The following PRDM11 variants were observed in gnomAD, a reference collection of about 807,000 sequenced individuals.
PRDM11 encodes PR/SET domain 11, also known as PR domain-containing protein 11.
PRDM11 carries 20 observed loss-of-function variants against 97.8 expected under a neutral mutation model. The ratio of observed to expected loss-of-function variants is 0.20; its 90% CI spans 0.14 to 0.30. The LOEUF (loss-of-function observed/expected upper bound fraction) is 0.30, where lower values mean the gene tolerates loss of function less well. PRDM11 is among the 10% of genes least tolerant of loss of function. The pLI is 1.00. For synonymous variants in PRDM11, 599 were observed against 637.7 expected, an observed-to-expected ratio of 0.94 and a Z score of 0.91; for missense variants, 1,139 against 1,555.2, an observed-to-expected ratio of 0.73 and a Z score of 4.50.
At chr11:45,118,397 C>T (rs1424766775) in intron 1 of PRDM11, among the ~76,000 whole-genome samples, 2 of 152,076 alleles carry the variant, frequency 1.3e-5, no homozygotes, top group African/African-American at 2.4e-5. Flanking sequence ...TACTGTTTTC[C>T]CAATTTTTCT....
At chr11:45,141,177 T>C (rs1214592677) in intron 1 of PRDM11, among the ~76,000 whole-genome samples, 1 of 152,234 alleles carries the variant, frequency 6.6e-6, no homozygotes, top group Non-Finnish European at 1.5e-5. Context: ...AATAACTGCA[T>C]GATCATCTAC....
intron 4 of PRDM11, among the ~76,000 whole-genome samples, chr11:45,198,726 G>A (rs1221637066): frequency 6.6e-6 from 1 of 152,224 alleles, no homozygotes; most frequent in East Asian, 1.9e-4. Context: ...AAAGCTGGAA[G>A]TTCAGAGAGG....
At chr11:45,151,441 G>T (rs1179418415) in intron 1 of PRDM11, among the ~76,000 whole-genome samples, 1 of 152,254 alleles carries the variant, frequency 6.6e-6, no homozygotes, top group African/African-American at 2.4e-5. Flanking sequence ...CCACATTGCT[G>T]GTGGTGTCCC....
Position 45,227,775 on chromosome 11 carries a change from C to A in PRDM11, c.3150C>A (p.Thr1050=), listed in dbSNP as rs1209817126. 6.5e-7 allele frequency: 1 copy of A among 1,533,898 alleles called. No homozygotes were observed. The highest frequency in any genetic ancestry group is 8.7e-7 in the Non-Finnish European group (1 of 1,146,718). ...EWRELKADYY[T]KNGFKDLISH... is the part of the protein sequence containing the mutation. ...GAGAACTCAAGGCTGATTACTACAC[C>A]AAAAATGGCTTCAAAGACCTGATCA... Residue 1050 remains threonine, a synonymous_variant, in exon 8 of 8, where the codon ACC becomes ACA. Transcript: ENST00000683152. The surrounding 1 kb of genome is among the most constrained non-coding windows in gnomAD (Gnocchi z 8.0).
At chr11:45,217,066 T>C (rs1853976166) in intron 5 of PRDM11, among the ~76,000 whole-genome samples, 1 of 152,208 alleles carries the variant, frequency 6.6e-6, no homozygotes, top group African/African-American at 2.4e-5. Flanking sequence ...ATGGTTTCCC[T>C]TTTGTATCTG....
intron 1 of PRDM11, among the ~76,000 whole-genome samples, chr11:45,167,433 C>T (rs1852091471): frequency 1.3e-5 from 2 of 152,168 alleles, no homozygotes; most frequent in Non-Finnish European, 2.9e-5. Context: ...TCAGGATCAT[C>T]AGTAGGGATT....
At chr11:45,184,512 C>T (rs77553034) in intron 4 of PRDM11, among the ~76,000 whole-genome samples, 14,432 of 152,148 alleles carry the variant, frequency 0.095, 1,075 homozygotes, top group Admixed American at 0.24. Context: ...TGGAGCCAAA[C>T]GAACTGCTTT....
intron 6 of PRDM11, among the ~76,000 whole-genome samples, chr11:45,220,639 C>T (rs1353142525): frequency 6.6e-6 from 1 of 152,206 alleles, no homozygotes; most frequent in East Asian, 1.9e-4. Flanking sequence ...CCTGATGTCC[C>T]AGACAAAACC....
At chr11:45,187,643 C>T (rs571121637) in intron 4 of PRDM11, among the ~76,000 whole-genome samples, 59 of 152,130 alleles carry the variant, frequency 3.9e-4, no homozygotes, top group African/African-American at 1.3e-3. Context: ...TTAGCTGCAG[C>T]CAGCAGCCAG....
rs1854367993 is a variant in PRDM11, at chr11:45,229,960, A to T, written c.*1801A>T. 1 of 152,004 alleles carries T rather than the reference A, an allele frequency of 6.6e-6. No homozygotes were observed. Among genetic ancestry groups the T allele is most frequent in the Non-Finnish European group, 1.5e-5 (1 of 68,018 alleles). 9.4% of individuals were successfully genotyped at this position (152,004 alleles called of 1,614,324 possible). On this transcript the variant is annotated 3_prime_UTR_variant, in exon 8 of 8. Transcript: ENST00000683152. Reference sequence around the variant, plus strand: ...TCTGAGGCCTCATGCCACCGTTGAGAACCATAGTGGAAATGTCATCAACAC... The same window carrying T: ...TCTGAGGCCTCATGCCACCGTTGAGTACCATAGTGGAAATGTCATCAACAC...
intron 4 of PRDM11, among the ~76,000 whole-genome samples, chr11:45,193,277 C>T (rs1852980424): frequency 6.6e-6 from 1 of 152,124 alleles, no homozygotes; most frequent in Admixed American, 6.5e-5. Flanking sequence ...TGTGTCTTGG[C>T]CTTTGCTTTG....
At chr11:45,189,144 G>A (rs561332780) in intron 4 of PRDM11, among the ~76,000 whole-genome samples, 4 of 151,924 alleles carry the variant, frequency 2.6e-5, no homozygotes, top group African/African-American at 4.8e-5. Flanking sequence ...CAAGTGATCC[G>A]CCCACCTCAG....
At chr11:45,216,293 A>AGT (rs1007303729) in intron 5 of PRDM11, 4 of 150,574 alleles carry the variant, frequency 2.7e-5, no homozygotes, top group African/African-American at 9.7e-5. Flanking sequence ...CTCAAGAGGT[A>AGT]GTGACCTGGT....
At position 45,103,375 on chromosome 11, in the gene PRDM11, G is replaced by C. The variant is rs1038668781; in HGVS notation, c.96+7474G>C. 2.0e-5 allele frequency among the ~76,000 whole-genome samples: 3 copies of C among 152,314 alleles called. No individual in the cohort carries two copies. In the East Asian group the frequency reaches 5.8e-4, roughly 29 times the overall value. On this transcript the variant is annotated intron_variant, in intron 1 of 6. Transcript: ENST00000530656. The stretch of plus-strand genomic sequence containing the variant: ...TGGAGGAGGAAGAGGAGGAAGATGA[G>C]AGGGAGATGAGGAAAGAGGAAGAGG...
intron 1 of PRDM11, among the ~76,000 whole-genome samples, chr11:45,128,331 G>A (rs979895864): frequency 7.9e-5 from 12 of 151,210 alleles, no homozygotes; most frequent in East Asian, 5.8e-4. Context: ...GCTTCGGCTC[G>A]CACACAGTGC....
Position 45,101,567 on chromosome 11 carries a change from A to AAAAAAAAAGAAGAAG in PRDM11, c.96+5668_96+5669insAAAAAAGAAGAAGAA, listed in dbSNP as rs767802218. Among the ~76,000 whole-genome samples the AAAAAAAAAGAAGAAG allele has an allele frequency of 9.7e-4, 94 of 96,854 alleles. 1 individual carries two copies. Among genetic ancestry groups the AAAAAAAAAGAAGAAG allele is most frequent in the South Asian group, 2.5e-3 (9 of 3,562 alleles). The allele number at this position is 96,854 out of a possible 152,430, so 63.5% of individuals were successfully genotyped here. ...CAACACTCTGTCTCAAAAAAAAAAA[A>AAAAAAAAAGAAGAAG]AAGAAGAAGAAGAAGAAGAAGAAGA... is the stretch of plus-strand genomic sequence containing the variant. On this transcript the variant is annotated intron_variant, in intron 1 of 6. Coordinates refer to the PRDM11 transcript ENST00000530656.
intron 1 of PRDM11, among the ~76,000 whole-genome samples, chr11:45,165,487 G>A (rs1852041143): frequency 6.6e-6 from 1 of 152,224 alleles, no homozygotes; most frequent in African/African-American, 2.4e-5. Flanking sequence ...ACAGCACTGT[G>A]GTCTCTGCCA....
chr11:45,152,416 T>G (rs182936518), intron 1 of PRDM11, among the ~76,000 whole-genome samples: 6 of 152,348 alleles, frequency 3.9e-5, no homozygotes, highest in African/African-American at 1.4e-4. Flanking sequence ...ACCCTCTCTC[T>G]GCTTCCTGCT....
intron 4 of PRDM11, among the ~76,000 whole-genome samples, chr11:45,201,695 C>T (rs1485626613): frequency 6.6e-6 from 1 of 152,074 alleles, no homozygotes; most frequent in African/African-American, 2.4e-5. Context: ...AGGCTGGGCG[C>T]AGTGGCTCAT....
Sources: allele counts gnomAD v4.1 joint callset (sites outside exome capture counted in the v4.1 genomes callset), GRCh38; gene constraint gnomAD v4.1.1; non-coding constraint Gnocchi (gnomAD v3.1); transcripts MANE v1.5; gene names NCBI Gene and HGNC (gene_info 2026-07-23, HGNC 2026-07-21).